Variants in NUBPL observed in about 807,000 individuals in gnomAD.
The protein encoded by NUBPL is NUBP iron-sulfur cluster assembly factor, mitochondrial.
NUBPL carries 31 observed loss-of-function variants against 45.7 expected under a neutral mutation model. The ratio of observed to expected loss-of-function variants is 0.68; its 90% CI spans 0.51 to 0.92. The LOEUF (loss-of-function observed/expected upper bound fraction) is 0.92, where lower values mean the gene tolerates loss of function less well. Among genes scored for constraint, NUBPL ranks in the 40% least tolerant of loss-of-function variants. NUBPL has a pLI of 0.00. For synonymous variants in NUBPL, 144 were observed against 140.9 expected, an observed-to-expected ratio of 1.02 and a Z score of -0.15; for missense variants, 401 against 398.7, an observed-to-expected ratio of 1.01 and a Z score of -0.05.
intron 6 of NUBPL, among the ~76,000 whole-genome samples, chr14:31,726,586 A>G (rs1425467120): frequency 6.6e-6 from 1 of 152,208 alleles, no homozygotes; most frequent in Non-Finnish European, 1.5e-5. Flanking sequence ...ATATGAAAGC[A>G]GAGATCTTGT....
chr14:31,811,099 G>T (rs1167089983), intron 7 of NUBPL, among the ~76,000 whole-genome samples: 1 of 151,990 alleles, frequency 6.6e-6, no homozygotes, highest in African/African-American at 2.4e-5. Flanking sequence ...ATATGTCTTG[G>T]GGTTGCTCTT....
intron 3 of NUBPL, among the ~76,000 whole-genome samples, chr14:31,568,701 C>G (rs2033502544): frequency 6.6e-6 from 1 of 152,184 alleles, no homozygotes; most frequent in Admixed American, 6.5e-5. Context: ...AGAATGATGT[C>G]TTTTGTTTCC....
chr14:31,784,860 T>C (rs2039257083), intron 6 of NUBPL, among the ~76,000 whole-genome samples: 1 of 152,208 alleles, frequency 6.6e-6, no homozygotes, highest in Non-Finnish European at 1.5e-5. Context: ...GAAAACACGA[T>C]GTCAGGGAAG....
intron 4 of NUBPL, among the ~76,000 whole-genome samples, chr14:31,650,749 G>T (rs2035981334): frequency 6.6e-6 from 1 of 152,136 alleles, no homozygotes; most frequent in African/African-American, 2.4e-5. Context: ...AATTCCTGAG[G>T]CTGGGTAATA....
intron 6 of NUBPL, among the ~76,000 whole-genome samples, chr14:31,758,925 T>C (rs971810694): frequency 2.6e-5 from 4 of 152,114 alleles, no homozygotes; most frequent in Admixed American, 2.0e-4. Flanking sequence ...AAGACAAGCT[T>C]TTCCTCCATG....
At chr14:31,728,737 T>C (rs1255979349) in intron 6 of NUBPL, among the ~76,000 whole-genome samples, 1 of 152,242 alleles carries the variant, frequency 6.6e-6, no homozygotes, top group Non-Finnish European at 1.5e-5. Context: ...CTTGGTTGAT[T>C]GCTATCCCTT....
At chr14:31,607,875 C>G (rs548848664) in intron 4 of NUBPL, among the ~76,000 whole-genome samples, 1 of 151,932 alleles carries the variant, frequency 6.6e-6, no homozygotes, top group Middle Eastern at 3.4e-3. Flanking sequence ...ATATCAATAT[C>G]CAAAAGTACA....
intron 8 of NUBPL, among the ~76,000 whole-genome samples, chr14:31,832,448 T>C (rs1259045916): frequency 6.6e-6 from 1 of 152,166 alleles, no homozygotes; most frequent in Non-Finnish European, 1.5e-5. Flanking sequence ...GGAGCTGCTT[T>C]GTAGCTCAGG....
chr14:31,706,458 A>T (rs2037454753), intron 6 of NUBPL, among the ~76,000 whole-genome samples: 1 of 152,238 alleles, frequency 6.6e-6, no homozygotes, highest in Non-Finnish European at 1.5e-5. Flanking sequence ...TAACAGCAAG[A>T]TGGCTGCCAT....
intron 4 of NUBPL, among the ~76,000 whole-genome samples, chr14:31,619,058 G>T (rs1219394907): frequency 6.6e-6 from 1 of 152,042 alleles, no homozygotes; most frequent in African/African-American, 2.4e-5. Context: ...TGTTTCTTTT[G>T]ATCTTTGTTG....
intron 7 of NUBPL, among the ~76,000 whole-genome samples, chr14:31,790,881 A>C (rs543999611): frequency 1.3e-5 from 2 of 152,180 alleles, no homozygotes; most frequent in African/African-American, 4.8e-5. Context: ...AGTAACTCTC[A>C]ATGGATCCTC....
At chr14:31,806,611 AT>A (rs558504114) in intron 7 of NUBPL, among the ~76,000 whole-genome samples, 63 of 152,056 alleles carry the variant, frequency 4.1e-4, no homozygotes, top group African/African-American at 1.4e-3. Context: ...TTATTTTATT[AT>A]TTTTTTGAAG....
chr14:31,589,943 C>A (rs1363380922), intron 3 of NUBPL, among the ~76,000 whole-genome samples: 1 of 152,176 alleles, frequency 6.6e-6, no homozygotes, highest in African/African-American at 2.4e-5. Context: ...GTAATTAATT[C>A]TCCTTACTTT....
intron 4 of NUBPL, among the ~76,000 whole-genome samples, chr14:31,605,890 T>TCTCCTCCCTTCTCCTTCCTTCTCTC (rs752526811): frequency 0.033 from 4,500 of 137,498 alleles, 175 homozygotes; most frequent in African/African-American, 0.082. Flanking sequence ...CTCCTCCTTG[T>TCTCCTCCCTTCTCCTTCCTTCTCTC]CTCCTCCCTT....
intron 6 of NUBPL, among the ~76,000 whole-genome samples, chr14:31,699,504 T>C (rs958834098): frequency 6.6e-6 from 1 of 152,194 alleles, no homozygotes; most frequent in African/African-American, 2.4e-5. Context: ...TTAAATAACT[T>C]GGGCAGGGTC....
intron 6 of NUBPL, among the ~76,000 whole-genome samples, chr14:31,715,149 T>C (rs372726284): frequency 3.3e-5 from 5 of 152,342 alleles, no homozygotes; most frequent in African/African-American, 1.2e-4. Flanking sequence ...TTTTAAATGA[T>C]CTCTTTATAC....
At chr14:31,731,377 A>G (rs1161332099) in intron 6 of NUBPL, among the ~76,000 whole-genome samples, 1 of 152,218 alleles carries the variant, frequency 6.6e-6, no homozygotes, top group Non-Finnish European at 1.5e-5. Context: ...ATTACCTTAT[A>G]TAATACATTT....
At chr14:31,847,091 A>G (rs4981130) in intron 9 of NUBPL, among the ~76,000 whole-genome samples, 45,851 of 152,088 alleles carry the variant, frequency 0.3, 7,316 homozygotes, top group East Asian at 0.47. Context: ...TCTGTCAACT[A>G]TGATAATTTC....
At chr14:31,709,474 G>T (rs1487755709) in intron 6 of NUBPL, among the ~76,000 whole-genome samples, 4 of 152,318 alleles carry the variant, frequency 2.6e-5, no homozygotes, top group South Asian at 2.1e-4. Context: ...TAGGGATTTT[G>T]CCCCTTTCTT....
Sources: gnomAD v4.1 joint callset for allele counts (sites outside exome capture counted in the v4.1 genomes callset) on GRCh38, gnomAD v4.1.1 for gene constraint, MANE v1.5 for transcripts, NCBI Gene and HGNC (gene_info 2026-07-23, HGNC 2026-07-21) for gene names.